Variants in HLCS observed in about 807,000 individuals in gnomAD.
HLCS encodes biotin--protein ligase.
HLCS carries 53 observed loss-of-function variants against 75.0 expected under a neutral mutation model. That is an observed-to-expected ratio of 0.71 (90% CI 0.57 to 0.89). The LOEUF (loss-of-function observed/expected upper bound fraction) is 0.89. Among genes scored for constraint, HLCS ranks in the 40% least tolerant of loss-of-function variants. HLCS has a pLI of 0.00. For missense variants in HLCS, 966 were observed against 1,074.0 expected, an observed-to-expected ratio of 0.90 and a Z score of 1.41; for synonymous variants, 431 against 428.6, an observed-to-expected ratio of 1.01 and a Z score of -0.07.
At chr21:36,823,955 A>G (rs1294211138) in intron 6 of HLCS, among the ~76,000 whole-genome samples, 1 of 152,150 alleles carries the variant, frequency 6.6e-6, no homozygotes, top group Non-Finnish European at 1.5e-5. Flanking sequence ...TGGAATACCA[A>G]CAAGGAGAGT....
At chr21:36,832,130 C>G (rs892020244) in intron 6 of HLCS, among the ~76,000 whole-genome samples, 2 of 152,172 alleles carry the variant, frequency 1.3e-5, no homozygotes, top group African/African-American at 4.8e-5. Context: ...TTAAGGCCAG[C>G]CGGGTGGGTT....
intron 6 of HLCS, among the ~76,000 whole-genome samples, chr21:36,863,471 C>A (rs1465018448): frequency 1.3e-5 from 2 of 152,146 alleles, no homozygotes; most frequent in East Asian, 3.9e-4. Context: ...ATGAGGGTCA[C>A]AGGCGGGGTC....
At chr21:36,940,261 C>T (rs2067082881) in intron 2 of HLCS, among the ~76,000 whole-genome samples, 1 of 152,124 alleles carries the variant, frequency 6.6e-6, no homozygotes, top group Admixed American at 6.5e-5. Flanking sequence ...TGCTCTACTT[C>T]CTAAAGATAC....
At chr21:36,917,387 A>G (rs1249444733) in intron 5 of HLCS, among the ~76,000 whole-genome samples, 1 of 152,164 alleles carries the variant, frequency 6.6e-6, no homozygotes, top group Non-Finnish European at 1.5e-5. Context: ...ATCCTCATGG[A>G]GCCATCCCTC....
intron 5 of HLCS, among the ~76,000 whole-genome samples, chr21:36,906,827 G>A (rs1310302598): frequency 6.6e-6 from 1 of 152,192 alleles, no homozygotes; most frequent in African/African-American, 2.4e-5. Context: ...TCAAGACGGT[G>A]TGGTATTGGC....
At position 36,820,303 on chromosome 21, in the gene HLCS, G is replaced by A. The variant is rs190247386; in HGVS notation, c.1893-53018C>T. Among the ~76,000 whole-genome samples, 661 of 152,326 alleles carry A rather than the reference G, an allele frequency of 4.3e-3. 1 individual carries two copies. The highest frequency in any genetic ancestry group is 0.031 in the Middle Eastern group (9 of 294). ...GGAACTGGGAACAGGTGAGAGCCAC[G>A]CCCCCTTCCGAGTTGAAGGGGCTGG... On this transcript the variant is annotated intron_variant, in intron 6 of 10. Transcript: ENST00000674895.
At chr21:36,965,192 C>T (rs1393676666) in intron 1 of HLCS, among the ~76,000 whole-genome samples, 1 of 152,160 alleles carries the variant, frequency 6.6e-6, no homozygotes, top group East Asian at 1.9e-4. Context: ...AATGTTCAAA[C>T]CTGAGATAAG....
intron 4 of HLCS, among the ~76,000 whole-genome samples, chr21:36,936,116 G>A (rs1249675971): frequency 6.6e-6 from 1 of 152,158 alleles, no homozygotes; most frequent in African/African-American, 2.4e-5. Flanking sequence ...AGGCAAGAAA[G>A]CAGACCGATG....
At chr21:36,768,750 G>A (rs567423182) in intron 6 of HLCS, among the ~76,000 whole-genome samples, 12 of 152,358 alleles carry the variant, frequency 7.9e-5, no homozygotes, top group African/African-American at 2.4e-4. Context: ...TCTCTTGGAC[G>A]CCATGAATAA....
intron 6 of HLCS, among the ~76,000 whole-genome samples, chr21:36,795,624 T>C (rs1165921176): frequency 6.6e-6 from 1 of 152,198 alleles, no homozygotes; most frequent in Non-Finnish European, 1.5e-5. Context: ...AAATTAGTAT[T>C]CCCTGAGAGA....
chr21:36,868,586 T>C (rs1027713201), intron 6 of HLCS, among the ~76,000 whole-genome samples: 11 of 152,124 alleles, frequency 7.2e-5, no homozygotes, highest in Non-Finnish European at 1.3e-4. Context: ...GGCATTTGGA[T>C]TCTAAGTGAT....
chr21:36,962,874 G>A (rs2068378863), intron 1 of HLCS, among the ~76,000 whole-genome samples: 1 of 150,688 alleles, frequency 6.6e-6, no homozygotes, highest in Admixed American at 6.6e-5. Context: ...ACAGAAGCCT[G>A]AAGGGCTGTT....
intron 5 of HLCS, among the ~76,000 whole-genome samples, chr21:36,905,829 A>G (rs1381052413): frequency 6.6e-6 from 1 of 152,174 alleles, no homozygotes; most frequent in East Asian, 1.9e-4. Context: ...AAGTGGGTGG[A>G]TCACTTGAGG....
chr21:36,943,562 G>A (rs142733212), intron 2 of HLCS: 1,631 of 152,342 alleles, frequency 0.011, 17 homozygotes, highest in Middle Eastern at 0.014. Flanking sequence ...GCTCACTCCT[G>A]TAAATCCCAG....
chr21:36,895,669 TTATATCCA>T (rs2064984438), intron 6 of HLCS, among the ~76,000 whole-genome samples: 1 of 152,218 alleles, frequency 6.6e-6, no homozygotes, highest in African/African-American at 2.4e-5. Context: ...GCTCATCATT[TTATATCCA>T]TATAGCATTA....
At chr21:36,770,735 G>C (rs903083118) in intron 6 of HLCS, among the ~76,000 whole-genome samples, 1 of 151,940 alleles carries the variant, frequency 6.6e-6, no homozygotes, top group Non-Finnish European at 1.5e-5. Context: ...CACCACACCT[G>C]GCTAATTTTT....
chr21:36,760,162 C>A (rs1194587997), intron 8 of HLCS, among the ~76,000 whole-genome samples: 3 of 152,158 alleles, frequency 2.0e-5, no homozygotes, highest in African/African-American at 4.8e-5. Flanking sequence ...TCCACCACCA[C>A]CACCACCATG....
intron 6 of HLCS, among the ~76,000 whole-genome samples, chr21:36,782,280 A>G (rs2060558930): frequency 6.6e-6 from 1 of 152,224 alleles, no homozygotes; most frequent in African/African-American, 2.4e-5. Context: ...ATGATCCTGT[A>G]GGAAAATTCC....
At chr21:36,848,920 TGGCAGACACC>T (rs1413376025) in intron 6 of HLCS, among the ~76,000 whole-genome samples, 1 of 152,162 alleles carries the variant, frequency 6.6e-6, no homozygotes, top group Non-Finnish European at 1.5e-5. Context: ...AAATAACATT[TGGCAGACACC>T]GGCTCAATGC....
Sources: gnomAD v4.1 joint callset for allele counts (sites outside exome capture counted in the v4.1 genomes callset) on GRCh38, gnomAD v4.1.1 for gene constraint, MANE v1.5 for transcripts, NCBI Gene and HGNC (gene_info 2026-07-23, HGNC 2026-07-21) for gene names.